SLC2A13: variants seen among roughly 807,000 people sequenced by gnomAD.
SLC2A13 encodes solute carrier family 2 member 13, also known as proton myo-inositol cotransporter.
A neutral mutation model predicts 64.4 loss-of-function variants in SLC2A13; 32 were observed. That is an observed-to-expected ratio of 0.50 (90% CI 0.37 to 0.67). The LOEUF is 0.67. Among genes scored for constraint, SLC2A13 ranks in the 30% least tolerant of loss-of-function variants. SLC2A13 has a pLI of 0.00. For synonymous variants in SLC2A13, 338 were observed against 327.1 expected (o/e 1.03, Z -0.36); for missense variants, 743 against 829.2 (o/e 0.90, Z 1.28).
chr12:39,882,741 C>G (rs1944373011), intron 4 of SLC2A13, among the ~76,000 whole-genome samples: 1 of 151,816 alleles, frequency 6.6e-6, no homozygotes, highest in Non-Finnish European at 1.5e-5. Context: ...TCTCAATCAG[C>G]ACTCAAACAC....
chr12:40,070,268 A>C (rs1301703641), intron 1 of SLC2A13, among the ~76,000 whole-genome samples: 3 of 152,116 alleles, frequency 2.0e-5, no homozygotes, highest in African/African-American at 4.8e-5. Context: ...TTCTCTATAC[A>C]CTGGAAAGAA....
chr12:39,915,174 G>T (rs143075920), intron 4 of SLC2A13, among the ~76,000 whole-genome samples: 1 of 152,052 alleles, frequency 6.6e-6, no homozygotes, highest in East Asian at 1.9e-4. Flanking sequence ...AGTGGGACAA[G>T]ATTTCTAGGA....
intron 2 of SLC2A13, among the ~76,000 whole-genome samples, chr12:40,037,461 A>T (rs529749672): frequency 1.3e-5 from 2 of 151,894 alleles, no homozygotes; most frequent in East Asian, 3.9e-4. Flanking sequence ...TCTACAAAAA[A>T]TACAAAAATT....
At chr12:40,044,966 G>A (rs143658265) in intron 2 of SLC2A13, among the ~76,000 whole-genome samples, 41 of 152,246 alleles carry the variant, frequency 2.7e-4, no homozygotes, top group Admixed American at 7.9e-4. Flanking sequence ...CCAAGTAATA[G>A]CCATGTGGTC....
intron 3 of SLC2A13, among the ~76,000 whole-genome samples, chr12:39,988,677 AGAAG>A: frequency 1.3e-5 from 1 of 76,576 alleles, no homozygotes; most frequent in Non-Finnish European, 2.4e-5. Context: ...GAGGGAGGGA[AGAAG>A]GGAGGGAGGG....
intron 4 of SLC2A13, among the ~76,000 whole-genome samples, chr12:39,896,687 G>C (rs1034644357): frequency 2.0e-5 from 3 of 151,558 alleles, no homozygotes; most frequent in Admixed American, 2.0e-4. Flanking sequence ...AATATCCCTC[G>C]TTATCTGCAA....
intron 3 of SLC2A13, among the ~76,000 whole-genome samples, chr12:39,967,941 C>G (rs1383292555): frequency 6.6e-6 from 1 of 152,184 alleles, no homozygotes; most frequent in Non-Finnish European, 1.5e-5. Context: ...GACCTGAAGT[C>G]ATGACTTAAA....
At chr12:40,036,754 G>A (rs1947993340) in intron 2 of SLC2A13, among the ~76,000 whole-genome samples, 1 of 152,008 alleles carries the variant, frequency 6.6e-6, no homozygotes, top group Non-Finnish European at 1.5e-5. Context: ...GCAATTCTAG[G>A]TCCTCTGATT....
chr12:39,901,778 G>A (rs1327623135), intron 4 of SLC2A13, among the ~76,000 whole-genome samples: 1 of 137,762 alleles, frequency 7.3e-6, no homozygotes, highest in Non-Finnish European at 1.6e-5. Flanking sequence ...GTGGAAGTCA[G>A]TGTGGCGATT....
intron 1 of SLC2A13, among the ~76,000 whole-genome samples, chr12:40,087,964 T>C (rs1938639932): frequency 6.6e-6 from 1 of 152,194 alleles, no homozygotes; most frequent in African/African-American, 2.4e-5. Context: ...ACTATTCCAT[T>C]GAGGCAGGTG....
intron 3 of SLC2A13, among the ~76,000 whole-genome samples, chr12:39,974,274 C>G (rs898868867): frequency 1.3e-5 from 2 of 152,196 alleles, no homozygotes; most frequent in African/African-American, 4.8e-5. Flanking sequence ...AACTCTTCCT[C>G]TTGACCAGTG....
chr12:39,977,460 T>C (rs1422408456), intron 3 of SLC2A13, among the ~76,000 whole-genome samples: 2 of 152,242 alleles, frequency 1.3e-5, no homozygotes, highest in African/African-American at 4.8e-5. Context: ...AAGAAAGCAG[T>C]AGACTGAGCT....
intron 6 of SLC2A13, among the ~76,000 whole-genome samples, chr12:39,853,070 TG>T (rs1241257929): frequency 6.6e-6 from 1 of 152,198 alleles, no homozygotes; most frequent in African/African-American, 2.4e-5. Context: ...TTCATTGCTT[TG>T]TTTGTATGTT....
At chr12:39,849,523 T>G (rs1457594441) in intron 6 of SLC2A13, among the ~76,000 whole-genome samples, 5 of 152,210 alleles carry the variant, frequency 3.3e-5, no homozygotes, top group African/African-American at 1.2e-4. Flanking sequence ...GAGGTGCTCA[T>G]GACTGCCTCT....
intron 2 of SLC2A13, among the ~76,000 whole-genome samples, chr12:40,045,535 G>A (rs762095581): frequency 6.7e-6 from 1 of 148,998 alleles, no homozygotes; most frequent in Non-Finnish European, 1.5e-5. Context: ...ATACTGATAA[G>A]GATACTAGAT....
chr12:40,031,795 G>A (rs1947909346), intron 2 of SLC2A13, among the ~76,000 whole-genome samples: 1 of 152,114 alleles, frequency 6.6e-6, no homozygotes, highest in Admixed American at 6.5e-5. Context: ...ATAAATAAGA[G>A]GCTGTTTTGC....
chr12:40,051,113 C>A (rs1009565998), intron 1 of SLC2A13, among the ~76,000 whole-genome samples: 1 of 152,082 alleles, frequency 6.6e-6, no homozygotes, highest in Admixed American at 6.6e-5. Context: ...AAAGTACACA[C>A]AAGACCTACT....
chr12:39,896,109 T>C (rs967421162), intron 4 of SLC2A13, among the ~76,000 whole-genome samples: 3 of 149,286 alleles, frequency 2.0e-5, no homozygotes, highest in Admixed American at 1.3e-4. Context: ...TGTATACATA[T>C]ATGAATGCAT....
At chr12:39,796,399 G>A (rs1390641699) in intron 7 of SLC2A13, among the ~76,000 whole-genome samples, 1 of 142,558 alleles carries the variant, frequency 7.0e-6, no homozygotes, top group African/African-American at 2.6e-5. Context: ...AGATCACCCT[G>A]GCCAACACAG....
Sources: gnomAD v4.1 joint callset for allele counts (sites outside exome capture counted in the v4.1 genomes callset) on GRCh38, gnomAD v4.1.1 for gene constraint, MANE v1.5 for transcripts, NCBI Gene and HGNC (gene_info 2026-07-23, HGNC 2026-07-21) for gene names.